Variants in MTF2 observed in about 807,000 individuals in gnomAD.
MTF2 encodes metal response element binding transcription factor 2.
MTF2 carries 11 observed loss-of-function variants against 79.5 expected under a neutral mutation model. The ratio of observed to expected loss-of-function variants is 0.14; its 90% CI spans 0.09 to 0.23. The LOEUF (loss-of-function observed/expected upper bound fraction) is 0.23. MTF2 is among the 10% of genes least tolerant of loss of function. The pLI is 1.00. For synonymous variants in MTF2, 208 were observed against 232.8 expected (o/e 0.89, Z 0.97); for missense variants, 486 against 711.2 (o/e 0.68, Z 3.60).
At chr1:93,124,155 T>C (rs888187787) in intron 9 of MTF2, among the ~76,000 whole-genome samples, 4 of 152,094 alleles carry the variant, frequency 2.6e-5, no homozygotes, top group African/African-American at 9.7e-5. Context: ...TATTACATTG[T>C]TTCCTTATGT....
At chr1:93,082,387 C>T (rs527535915) in intron 1 of MTF2, among the ~76,000 whole-genome samples, 16 of 151,656 alleles carry the variant, frequency 1.1e-4, no homozygotes, top group African/African-American at 3.4e-4. Context: ...CGGAAGTGAT[C>T]CTCCTGCCTT....
chr1:93,137,339 T>C lies in MTF2; in HGVS notation c.*312T>C, dbSNP rs112596319. On this transcript the variant is annotated 3_prime_UTR_variant, in exon 15 of 15. Transcript: ENST00000370298. ...TTAGACAATTTTTCTAATTATTCCA[T>C]TGAGTCAGTTTTTTGTGATTAGTGA... 992 of 200,992 alleles carry C rather than the reference T, an allele frequency of 4.9e-3. 4 individuals carry two copies. The highest frequency in any genetic ancestry group is 9.7e-3 in the African/African-American group (418 of 43,230). 12.5% of individuals were successfully genotyped at this position (200,992 alleles called of 1,614,324 possible).
At chr1:93,121,659 A>C in intron 9 of MTF2, 1 of 965,072 alleles carries the variant, frequency 1.0e-6, no homozygotes, top group Non-Finnish European at 1.2e-6. Flanking sequence ...AATTCAATTG[A>C]TGAATTTTTG....
chr1:93,105,921 G>C (rs981848272), intron 1 of MTF2, among the ~76,000 whole-genome samples: 1 of 152,088 alleles, frequency 6.6e-6, no homozygotes, highest in Admixed American at 6.5e-5. Context: ...TGATCTGCCC[G>C]ACCCGTTCTC....
chr1:93,125,555 A>G (rs1025918843), intron 9 of MTF2, among the ~76,000 whole-genome samples: 3 of 152,068 alleles, frequency 2.0e-5, no homozygotes, highest in Non-Finnish European at 4.4e-5. Flanking sequence ...CAGAATCAAG[A>G]GAAAAGATCT....
intron 1 of MTF2, among the ~76,000 whole-genome samples, chr1:93,100,587 G>A (rs969040104): frequency 7.9e-5 from 12 of 152,128 alleles, no homozygotes; most frequent in African/African-American, 1.4e-4. Flanking sequence ...GATTACAGCC[G>A]TGAGCCACCA....
At chr1:93,119,555 T>TAG in intron 8 of MTF2, 154 bp downstream of exon 8, 1 of 576,888 alleles carries the variant, frequency 1.7e-6, no homozygotes, top group African/African-American at 1.9e-5. Flanking sequence ...GATGTCATCT[T>TAG]CACTAAGTAA....
chr1:93,135,832 T>C (rs926338888), intron 14 of MTF2, among the ~76,000 whole-genome samples: 4 of 152,052 alleles, frequency 2.6e-5, no homozygotes, highest in African/African-American at 4.8e-5. Flanking sequence ...AGAGAACAAT[T>C]TTTTGAGTTG....
At chr1:93,085,579 C>T (rs1024107806) in intron 1 of MTF2, among the ~76,000 whole-genome samples, 4 of 151,654 alleles carry the variant, frequency 2.6e-5, no homozygotes, top group Admixed American at 6.6e-5. Flanking sequence ...CTCAAACTCC[C>T]GGGCTCAAGT....
chr1:93,087,442 C>T (rs1316580114), intron 1 of MTF2, among the ~76,000 whole-genome samples: 6 of 151,838 alleles, frequency 4.0e-5, no homozygotes, highest in South Asian at 2.1e-4. Context: ...CGTGGTGGCA[C>T]GCACCTGTAA....
At chr1:93,096,656 C>T (rs1227134359) in intron 1 of MTF2, among the ~76,000 whole-genome samples, 3 of 150,472 alleles carry the variant, frequency 2.0e-5, no homozygotes, top group Admixed American at 6.6e-5. Context: ...ATATGTATTT[C>T]GAGACGTATC....
chr1:93,122,366 T>C (rs1430753763), intron 9 of MTF2, among the ~76,000 whole-genome samples: 1 of 152,174 alleles, frequency 6.6e-6, no homozygotes, highest in Non-Finnish European at 1.5e-5. Context: ...AAAACTCAAG[T>C]TGTGTTTATT....
chr1:93,086,256 C>T (rs1053400315), intron 1 of MTF2, among the ~76,000 whole-genome samples: 1 of 152,142 alleles, frequency 6.6e-6, no homozygotes, highest in African/African-American at 2.4e-5. Flanking sequence ...GTAATCCTAG[C>T]ACTTTGAGAG....
chr1:93,132,566 T>A (rs1399951320), intron 11 of MTF2, among the ~76,000 whole-genome samples: 1 of 152,190 alleles, frequency 6.6e-6, no homozygotes, highest in Non-Finnish European at 1.5e-5. Context: ...ATTATGTTGA[T>A]CATTTTACAA....
chr1:93,083,432 T>G (rs945005514), intron 1 of MTF2, among the ~76,000 whole-genome samples: 3 of 152,256 alleles, frequency 2.0e-5, no homozygotes, highest in Non-Finnish European at 2.9e-5. Flanking sequence ...TATTTCATTA[T>G]ATGAATATAC....
intron 14 of MTF2, among the ~76,000 whole-genome samples, chr1:93,134,921 C>G (rs1002006928): frequency 2.6e-5 from 4 of 151,534 alleles, no homozygotes; most frequent in Non-Finnish European, 4.4e-5. Context: ...GCAGACTCCC[C>G]TCTGATATCT....
intron 1 of MTF2, among the ~76,000 whole-genome samples, chr1:93,101,961 T>C (rs1181983843): frequency 6.6e-6 from 1 of 152,148 alleles, no homozygotes; most frequent in Non-Finnish European, 1.5e-5. Flanking sequence ...CTTGTTAAAC[T>C]GAAACTATAT....
At chr1:93,107,740 A>G (rs924638554) in intron 1 of MTF2, among the ~76,000 whole-genome samples, 5 of 151,858 alleles carry the variant, frequency 3.3e-5, no homozygotes, top group African/African-American at 1.2e-4. Flanking sequence ...TGTGAATTCA[A>G]GTTAGCATCT....
chr1:93,092,079 A>G lies in MTF2; in HGVS notation c.5+12548A>G, dbSNP rs939192422. Among the ~76,000 whole-genome samples, 4 of 151,852 alleles carry G rather than the reference A, an allele frequency of 2.6e-5. No homozygotes were observed. In the South Asian group the frequency reaches 6.2e-4, roughly 24 times the overall value. On this transcript the variant is annotated intron_variant, in intron 1 of 14. Coordinates refer to ENST00000370298, the MANE Select transcript of MTF2 (RefSeq NM_007358.4). ...CTTAGATGAGCCTTTGGTTGTCTTA[A>G]TCTGTTTTCTCTTATTATATATGTT... is the stretch of plus-strand genomic sequence containing the variant.
Sources: allele counts gnomAD v4.1 joint callset (sites outside exome capture counted in the v4.1 genomes callset), GRCh38; gene constraint gnomAD v4.1.1; transcripts MANE v1.5; gene names NCBI Gene and HGNC (gene_info 2026-07-23, HGNC 2026-07-21).